The following ANKHD1 variants were observed in gnomAD, a reference collection of about 807,000 sequenced individuals.
The protein encoded by ANKHD1 is ankyrin repeat and KH domain containing 1.
ANKHD1 carries 31 observed loss-of-function variants against 230.5 expected under a neutral mutation model. The observed-to-expected ratio is 0.13, with a 90% confidence interval of 0.10 to 0.18. The LOEUF (loss-of-function observed/expected upper bound fraction) is 0.18, where lower values mean the gene tolerates loss of function less well. ANKHD1 is among the 10% of genes least tolerant of loss of function. The probability of loss-of-function intolerance (pLI) is 1.00; values close to 1 mark genes in which losing one functional copy is unlikely to be tolerated. For synonymous variants in ANKHD1, 1,074 were observed against 1,117.6 expected (o/e 0.96, Z 0.78); for missense variants, 2,256 against 3,071.3 (o/e 0.73, Z 6.27).
chr5:140,519,087 G>A, intron 24 of ANKHD1, among the ~76,000 whole-genome samples: 1 of 152,204 alleles, frequency 6.6e-6, no homozygotes. Flanking sequence ...CTTCAGCAAA[G>A]TTTCAGGATA....
intron 1 of ANKHD1, among the ~76,000 whole-genome samples, chr5:140,415,225 A>AT (rs1771265517): frequency 6.6e-6 from 1 of 151,576 alleles, no homozygotes; most frequent in Non-Finnish European, 1.5e-5. Flanking sequence ...CTACTAAAAA[A>AT]TACAAAAATT....
At chr5:140,449,398 C>CAATTAA in intron 7 of ANKHD1, 93 bp downstream of exon 7, 1 of 1,411,552 alleles carries the variant, frequency 7.1e-7, no homozygotes, top group Non-Finnish European at 9.6e-7. Flanking sequence ...AGTGCGGTGG[C>CAATTAA]TCACGCCTGT....
intron 3 of ANKHD1, among the ~76,000 whole-genome samples, chr5:140,439,497 G>A (rs1038611058): frequency 2.6e-5 from 4 of 151,916 alleles, no homozygotes; most frequent in Non-Finnish European, 4.4e-5. Flanking sequence ...TGGTGAAAAC[G>A]CATCTCTCCT....
intron 28 of ANKHD1, 63 bp from the exon 29 acceptor site, chr5:140,528,121 A>ACC: frequency 2.0e-6 from 3 of 1,537,632 alleles, no homozygotes; most frequent in Non-Finnish European, 2.6e-6. Context: ...TTGATGGTTA[A>ACC]GATTACCTTT....
intron 1 of ANKHD1, among the ~76,000 whole-genome samples, chr5:140,417,805 A>G (rs188515007): frequency 6.7e-6 from 1 of 149,834 alleles, no homozygotes; most frequent in Non-Finnish European, 1.5e-5. Context: ...AGTTGTAAGA[A>G]TAGTACAAGG....
At chr5:140,539,305 TA>T in intron 33 of ANKHD1, 53 bp from the exon 34 acceptor site, 3 of 1,609,624 alleles carry the variant, frequency 1.9e-6, no homozygotes, top group Non-Finnish European at 2.5e-6. Flanking sequence ...ATTCATTTTG[TA>T]ACTGTCTAAA....
intron 1 of ANKHD1, among the ~76,000 whole-genome samples, chr5:140,407,956 C>T (rs7734986): frequency 0.021 from 3,193 of 152,232 alleles, 118 homozygotes; most frequent in African/African-American, 0.073. Context: ...GCGGATGGAT[C>T]ATCTGAGGTC....
In ANKHD1 at chr5:140,506,302, C is replaced by A. The variant is rs571217091; in HGVS notation, c.3408+433C>A. ...GTTAACTTTTATGGGAATGTAAATG[C>A]CCTTTTTTTTTGGCGGGGGTTTGTG... On this transcript the variant is annotated intron_variant, in intron 18 of 33. Transcript: ENST00000360839. The surrounding 1 kb of genome is among the most constrained non-coding windows in gnomAD (Gnocchi z 4.7). Among the ~76,000 whole-genome samples the A allele has an allele frequency of 6.6e-6, 1 of 151,552 alleles. No individual in the cohort carries two copies. The highest frequency in any genetic ancestry group is 2.4e-5 in the African/African-American group (1 of 41,010).
chr5:140,449,102 A>G, intron 6 of ANKHD1, 109 bp from the exon 7 acceptor site: 2 of 1,153,024 alleles, frequency 1.7e-6, no homozygotes, highest in South Asian at 1.6e-5. Flanking sequence ...AATGCAAAAT[A>G]AGTTATCAAA....
intron 29 of ANKHD1, chr5:140,531,196 A>T (rs1313912394): frequency 6.4e-6 from 2 of 310,304 alleles, no homozygotes; most frequent in Non-Finnish European, 1.3e-5. Flanking sequence ...AGGATTAATA[A>T]TCTTGGCCCC....
intron 5 of ANKHD1, among the ~76,000 whole-genome samples, chr5:140,443,419 G>C (rs1033402812): frequency 6.6e-6 from 1 of 151,830 alleles, no homozygotes; most frequent in African/African-American, 2.4e-5. Context: ...GGCCGGGCGT[G>C]GTGGCTCACG....
intron 9 of ANKHD1, among the ~76,000 whole-genome samples, chr5:140,459,621 C>T (rs1446193574): frequency 6.6e-6 from 1 of 151,896 alleles, no homozygotes; most frequent in Non-Finnish European, 1.5e-5. Flanking sequence ...CTCAAAATTG[C>T]TAAGAGTAGA....
chr5:140,468,011 T>C (rs926408676), intron 10 of ANKHD1, among the ~76,000 whole-genome samples: 13 of 149,406 alleles, frequency 8.7e-5, no homozygotes, highest in African/African-American at 3.2e-4. Flanking sequence ...TCCTGGCATC[T>C]CATAGATATG....
intron 1 of ANKHD1, among the ~76,000 whole-genome samples, chr5:140,427,317 G>T (rs569296189): frequency 7.4e-4 from 106 of 142,336 alleles, no homozygotes; most frequent in African/African-American, 2.7e-3. Flanking sequence ...CTGGCCGGGT[G>T]GGGGGCCGAC....
chr5:140,452,148 T>C (rs1774796628), intron 7 of ANKHD1, among the ~76,000 whole-genome samples: 1 of 152,112 alleles, frequency 6.6e-6, no homozygotes, highest in Admixed American at 6.5e-5. Flanking sequence ...GAGATCAAAC[T>C]GCAAGGCGGC....
intron 1 of ANKHD1, among the ~76,000 whole-genome samples, chr5:140,434,944 T>G (rs2126907503): frequency 6.6e-6 from 1 of 152,328 alleles, no homozygotes; most frequent in South Asian, 2.1e-4. Flanking sequence ...CCAGAAGGGT[T>G]GTATATATTT....
intron 22 of ANKHD1, 86 bp downstream of exon 22, chr5:140,510,267 T>G (rs763576940): frequency 7.0e-7 from 1 of 1,427,210 alleles, no homozygotes; most frequent in Non-Finnish European, 9.2e-7. Flanking sequence ...TCTTGGAGAA[T>G]TGAGTATATT....
At chr5:140,491,161 T>TACACA (rs1403700534) in intron 14 of ANKHD1, among the ~76,000 whole-genome samples, 2 of 54,576 alleles carry the variant, frequency 3.7e-5, no homozygotes, top group East Asian at 1.4e-3. Context: ...TATATATATA[T>TACACA]TTTTTTTTTT....
At chr5:140,419,151 T>A (rs1042738663) in intron 1 of ANKHD1, among the ~76,000 whole-genome samples, 29 of 151,788 alleles carry the variant, frequency 1.9e-4, no homozygotes, top group Middle Eastern at 6.8e-3. Flanking sequence ...TTTTTTTTTT[T>A]ATTACAGCCA....
Sources: gnomAD v4.1 joint callset for allele counts (sites outside exome capture counted in the v4.1 genomes callset) on GRCh38, gnomAD v4.1.1 for gene constraint, Gnocchi (gnomAD v3.1) non-coding constraint, MANE v1.5 for transcripts, NCBI Gene and HGNC (gene_info 2026-07-23, HGNC 2026-07-21) for gene names.